Variants in COL22A1 observed in about 807,000 individuals in gnomAD.
COL22A1 encodes collagen type XXII alpha 1 chain.
A neutral mutation model predicts 248.9 loss-of-function variants in COL22A1; 221 were observed. That is an observed-to-expected ratio of 0.89 (90% CI 0.80 to 0.99). COL22A1 has a LOEUF of 0.99. COL22A1 is among the 50% of genes least tolerant of loss of function. The pLI is 0.00. For missense variants in COL22A1, 2,240 were observed against 2,179.0 expected (o/e 1.03, Z -0.56); for synonymous variants, 891 against 793.4 (o/e 1.12, Z -2.07).
intron 21 of COL22A1, 89 bp from the exon 22 acceptor site, chr8:138,751,600 C>T (rs1832608429): frequency 2.2e-6 from 2 of 890,806 alleles, no homozygotes; most frequent in Non-Finnish European, 3.5e-6. Flanking sequence ...GAATCTCACC[C>T]TCATTGAATA....
intron 60 of COL22A1, among the ~76,000 whole-genome samples, chr8:138,600,403 C>T (rs973934156): frequency 6.6e-6 from 1 of 151,828 alleles, no homozygotes; most frequent in African/African-American, 2.4e-5. Flanking sequence ...AGTCACCAAA[C>T]CGTCTCTAAC....
chr8:138,878,402 C>T, intron 2 of COL22A1, 86 bp from the exon 3 acceptor site: 1 of 1,129,364 alleles, frequency 8.9e-7, no homozygotes, highest in Non-Finnish European at 1.2e-6. Context: ...TGGGGTCACA[C>T]ACACCTGCTC....
At chr8:138,821,061 C>T in intron 7 of COL22A1, 75 bp downstream of exon 7, 1 of 1,518,398 alleles carries the variant, frequency 6.6e-7, no homozygotes. Flanking sequence ...GTGGAGAACA[C>T]TGAGGGCACT....
intron 4 of COL22A1, among the ~76,000 whole-genome samples, chr8:138,835,698 G>A (rs375384825): frequency 1.3e-5 from 2 of 152,194 alleles, no homozygotes; most frequent in African/African-American, 4.8e-5. Flanking sequence ...GTGTGGGGGA[G>A]AGAACACCCA....
chr8:138,898,749 C>T (rs1814313151), intron 1 of COL22A1, among the ~76,000 whole-genome samples: 3 of 152,120 alleles, frequency 2.0e-5, no homozygotes, highest in African/African-American at 7.2e-5. Flanking sequence ...AGATCTCCCA[C>T]CCCAGCACAC....
At chr8:138,844,436 G>A (rs931642326) in intron 3 of COL22A1, among the ~76,000 whole-genome samples, 15 of 152,316 alleles carry the variant, frequency 9.8e-5, no homozygotes, top group African/African-American at 3.4e-4. Flanking sequence ...AGCCTTGTCC[G>A]AGGGAGCCAG....
At chr8:138,604,596 C>T (rs886535293) in intron 59 of COL22A1, 138 bp downstream of exon 59, 3 of 735,252 alleles carry the variant, frequency 4.1e-6, no homozygotes, top group Admixed American at 4.7e-5. Context: ...GTTCAAAAGG[C>T]ATTAAGAATT....
chr8:138,781,387 T>A (rs963454805), intron 12 of COL22A1, among the ~76,000 whole-genome samples: 2 of 152,114 alleles, frequency 1.3e-5, no homozygotes, highest in Non-Finnish European at 2.9e-5. Context: ...GATGAGCCTT[T>A]GCTATGGGGC....
At chr8:138,824,120 G>T (rs192317215) in intron 6 of COL22A1, among the ~76,000 whole-genome samples, 2 of 152,270 alleles carry the variant, frequency 1.3e-5, no homozygotes, top group Admixed American at 1.3e-4. Context: ...CCTGTCAAAT[G>T]ATCTAATACT....
intron 63 of COL22A1, among the ~76,000 whole-genome samples, chr8:138,591,988 C>T (rs143893101): frequency 2.0e-5 from 3 of 152,144 alleles, no homozygotes; most frequent in African/African-American, 7.2e-5. Context: ...AAGCATTGTA[C>T]CTGAACCTTT....
chr8:138,664,203 GCGCGCGCACACACACACACACA>G (rs1343281586), intron 41 of COL22A1, among the ~76,000 whole-genome samples: 2 of 90,116 alleles, frequency 2.2e-5, no homozygotes, highest in African/African-American at 8.2e-5. Flanking sequence ...GTGCGCGCGC[GCGCGCGCACACACACACACACA>G]CACACACACA....
At chr8:138,661,653 G>A (rs1823969876) in intron 43 of COL22A1, among the ~76,000 whole-genome samples, 1 of 152,180 alleles carries the variant, frequency 6.6e-6, no homozygotes, top group Middle Eastern at 3.2e-3. Flanking sequence ...GGAATTCCAT[G>A]GAAAAGAGAG....
intron 3 of COL22A1, among the ~76,000 whole-genome samples, chr8:138,845,472 G>A (rs910540982): frequency 4.6e-5 from 7 of 151,838 alleles, no homozygotes; most frequent in African/African-American, 9.7e-5. Context: ...CTGAGATCAC[G>A]CCACTGCATG....
chr8:138,807,097 G>C (rs1393808228), intron 10 of COL22A1, among the ~76,000 whole-genome samples: 1 of 152,116 alleles, frequency 6.6e-6, no homozygotes, highest in Admixed American at 6.5e-5. Flanking sequence ...AAGAGATACA[G>C]AGAGTGAGAG....
chr8:138,694,618 G>T, intron 33 of COL22A1, 57 bp from the exon 34 acceptor site: 1 of 1,570,984 alleles, frequency 6.4e-7, no homozygotes. Flanking sequence ...GAGCAGATGG[G>T]CGGATGGGGC....
chr8:138,630,007 G>A lies in COL22A1; in HGVS notation c.3663+688C>T, dbSNP rs72727831. ...TTTCTAACTTACAGGTCCAAAGTGGGAGGAGCTGTCAGATGGAGATAAGGA... is the reference window on the plus strand; with the variant it reads ...TTTCTAACTTACAGGTCCAAAGTGGAAGGAGCTGTCAGATGGAGATAAGGA... On this transcript the variant is annotated intron_variant, in intron 50 of 64. Transcript: ENST00000303045. 8.8e-4 allele frequency among the ~76,000 whole-genome samples: 134 copies of A among 152,278 alleles called. 1 individual carries two copies. The highest frequency in any genetic ancestry group is 3.6e-3 in the Admixed American group (55 of 15,298).
intron 3 of COL22A1, among the ~76,000 whole-genome samples, chr8:138,860,353 C>T (rs747850084): frequency 6.6e-6 from 1 of 152,228 alleles, no homozygotes; most frequent in Non-Finnish European, 1.5e-5. Flanking sequence ...GCATAGAGAC[C>T]TCACTCCAGG....
At chr8:138,874,597 T>G (rs1334564042) in intron 3 of COL22A1, among the ~76,000 whole-genome samples, 1 of 152,168 alleles carries the variant, frequency 6.6e-6, no homozygotes, top group Non-Finnish European at 1.5e-5. Flanking sequence ...CCTCCCCGGT[T>G]TGCAGGCAGA....
intron 4 of COL22A1, among the ~76,000 whole-genome samples, chr8:138,843,245 G>A (rs185018879): frequency 9.7e-4 from 148 of 152,232 alleles, no homozygotes; most frequent in Middle Eastern, 6.8e-3. Flanking sequence ...ACGGTGACAT[G>A]GCAAGGTCCC....
Sources: allele counts gnomAD v4.1 joint callset (sites outside exome capture counted in the v4.1 genomes callset), GRCh38; gene constraint gnomAD v4.1.1; transcripts MANE v1.5; gene names NCBI Gene and HGNC (gene_info 2026-07-23, HGNC 2026-07-21).